The following ARHGAP15 variants were observed in gnomAD, a reference collection of about 807,000 sequenced individuals.
ARHGAP15 encodes rho GTPase-activating protein 15.
A neutral mutation model predicts 63.7 loss-of-function variants in ARHGAP15; 51 were observed. The ratio of observed to expected loss-of-function variants is 0.80; its 90% CI spans 0.64 to 1.01. The LOEUF is 1.01. Ranked by LOEUF, ARHGAP15 falls within the 50% of genes least tolerant of loss-of-function variation. The probability of loss-of-function intolerance (pLI) is 0.00; values close to 1 mark genes in which losing one functional copy is unlikely to be tolerated. For synonymous variants in ARHGAP15, 191 were observed against 193.8 expected, an observed-to-expected ratio of 0.99 and a Z score of 0.12; for missense variants, 560 against 564.6, an observed-to-expected ratio of 0.99 and a Z score of 0.08.
At chr2:143,605,856 T>C (rs148128231) in intron 11 of ARHGAP15, among the ~76,000 whole-genome samples, 1 of 10,518 alleles carries the variant, frequency 9.5e-5, no homozygotes, top group African/African-American at 2.6e-4. Flanking sequence ...TCTACTAAAA[T>C]ACAAAAAAAA....
At chr2:143,315,914 G>A (rs901501892) in intron 6 of ARHGAP15, among the ~76,000 whole-genome samples, 6 of 151,962 alleles carry the variant, frequency 3.9e-5, no homozygotes, top group African/African-American at 9.6e-5. Context: ...GTGAAACTGC[G>A]TCTGTACTAA....
At chr2:143,130,659 A>G (rs920029265) in intron 1 of ARHGAP15, among the ~76,000 whole-genome samples, 6 of 152,178 alleles carry the variant, frequency 3.9e-5, no homozygotes, top group Non-Finnish European at 7.4e-5. Flanking sequence ...GACCTCTTCA[A>G]TTGTCAATAC....
intron 6 of ARHGAP15, among the ~76,000 whole-genome samples, chr2:143,319,349 C>T (rs762817761): frequency 6.6e-5 from 10 of 151,768 alleles, no homozygotes; most frequent in Non-Finnish European, 5.9e-5. Context: ...CTCAGCCTCC[C>T]GAGTAGCTGG....
At chr2:143,264,986 A>G (rs898251391) in intron 6 of ARHGAP15, among the ~76,000 whole-genome samples, 3 of 152,210 alleles carry the variant, frequency 2.0e-5, no homozygotes, top group Non-Finnish European at 1.5e-5. Context: ...TAGCTGCCTA[A>G]CAAAGTTAAC....
intron 6 of ARHGAP15, among the ~76,000 whole-genome samples, chr2:143,406,938 C>G (rs968253359): frequency 6.6e-6 from 1 of 151,788 alleles, no homozygotes; most frequent in South Asian, 2.1e-4. Flanking sequence ...TACAGGAGAA[C>G]ATCAAAGGGC....
intron 10 of ARHGAP15, among the ~76,000 whole-genome samples, chr2:143,530,914 G>C (rs1427722503): frequency 6.6e-6 from 1 of 152,066 alleles, no homozygotes; most frequent in Non-Finnish European, 1.5e-5. Context: ...ATGATACAAA[G>C]TAAAAAATGT....
intron 9 of ARHGAP15, among the ~76,000 whole-genome samples, chr2:143,488,435 T>C (rs980807697): frequency 2.0e-5 from 3 of 152,214 alleles, no homozygotes; most frequent in African/African-American, 7.2e-5. Flanking sequence ...ACAGACTAAA[T>C]TGATTCTTTT....
chr2:143,590,585 C>T (rs1697282296), intron 11 of ARHGAP15, among the ~76,000 whole-genome samples: 4 of 152,240 alleles, frequency 2.6e-5, no homozygotes, highest in Admixed American at 2.0e-4. Flanking sequence ...CCTTCTTTTC[C>T]TCACCCCCAA....
At chr2:143,594,363 A>G (rs550304013) in intron 11 of ARHGAP15, among the ~76,000 whole-genome samples, 2 of 152,336 alleles carry the variant, frequency 1.3e-5, no homozygotes, top group South Asian at 4.1e-4. Flanking sequence ...TCAACAAAGC[A>G]ACAATGTAAG....
At chr2:143,610,721 A>G (rs1169128092) in intron 11 of ARHGAP15, among the ~76,000 whole-genome samples, 1 of 77,270 alleles carries the variant, frequency 1.3e-5, no homozygotes, top group Non-Finnish European at 2.5e-5. Flanking sequence ...TGTTCAGTGT[A>G]TTTATTTATT....
At chr2:143,161,196 G>A (rs1054380743) in intron 2 of ARHGAP15, among the ~76,000 whole-genome samples, 3 of 151,902 alleles carry the variant, frequency 2.0e-5, no homozygotes, top group Non-Finnish European at 4.4e-5. Flanking sequence ...TTGCTTCCTA[G>A]CTAATTATGT....
At chr2:143,139,403 A>G (rs1213363209) in intron 1 of ARHGAP15, among the ~76,000 whole-genome samples, 3 of 152,024 alleles carry the variant, frequency 2.0e-5, no homozygotes, top group Non-Finnish European at 4.4e-5. Context: ...TTGGTCATCT[A>G]TTGAGTCTTG....
At chr2:143,197,662 C>T (rs1333953599) in intron 2 of ARHGAP15, among the ~76,000 whole-genome samples, 1 of 151,932 alleles carries the variant, frequency 6.6e-6, no homozygotes, top group Non-Finnish European at 1.5e-5. Context: ...ATTTCTTTGT[C>T]TAATGCTTTA....
intron 10 of ARHGAP15, among the ~76,000 whole-genome samples, chr2:143,531,088 A>G (rs1235719561): frequency 6.7e-6 from 1 of 149,922 alleles, no homozygotes; most frequent in Non-Finnish European, 1.5e-5. Context: ...ACACTTTGGC[A>G]TATTGCCTGG....
chr2:143,518,674 G>GAGAT (rs1693929030), intron 9 of ARHGAP15, among the ~76,000 whole-genome samples: 1 of 152,176 alleles, frequency 6.6e-6, no homozygotes, highest in African/African-American at 2.4e-5. Flanking sequence ...ACACAAAGCT[G>GAGAT]AGATAGGAAG....
intron 13 of ARHGAP15, among the ~76,000 whole-genome samples, chr2:143,731,150 G>A (rs1685516250): frequency 6.6e-6 from 1 of 151,844 alleles, no homozygotes; most frequent in African/African-American, 2.4e-5. Context: ...AGCAAACTTG[G>A]GACTTTCCCA....
intron 9 of ARHGAP15, among the ~76,000 whole-genome samples, chr2:143,511,568 T>TTTTGTTTGTTTG (rs35790368): frequency 2.7e-5 from 4 of 150,676 alleles, no homozygotes; most frequent in African/African-American, 9.8e-5. Context: ...AAGTGTTCTT[T>TTTTGTTTGTTTG]TTTGTTTGTT....
At chr2:143,286,485 T>C (rs575664080) in intron 6 of ARHGAP15, among the ~76,000 whole-genome samples, 1 of 152,344 alleles carries the variant, frequency 6.6e-6, no homozygotes, top group South Asian at 2.1e-4. Context: ...AAGCATAGCA[T>C]AACTCGAATA....
chr2:143,460,376 C>T (rs1690877103), intron 8 of ARHGAP15, among the ~76,000 whole-genome samples: 1 of 152,096 alleles, frequency 6.6e-6, no homozygotes, highest in Admixed American at 6.6e-5. Context: ...GTATTTTTTG[C>T]TACTAGTTTT....
Sources: allele counts gnomAD v4.1 joint callset (sites outside exome capture counted in the v4.1 genomes callset), GRCh38; gene constraint gnomAD v4.1.1; transcripts MANE v1.5; gene names NCBI Gene and HGNC (gene_info 2026-07-23, HGNC 2026-07-21).